The following MYOM2 variants were observed in gnomAD, a reference collection of about 807,000 sequenced individuals.
The protein encoded by MYOM2 is myomesin-2.
A neutral mutation model predicts 187.6 loss-of-function variants in MYOM2; 254 were observed. The observed-to-expected ratio is 1.35, with a 90% CI of 1.22 to 1.50. MYOM2 has a LOEUF of 1.50. Ranked by LOEUF, MYOM2 falls within the 40% of genes most tolerant of loss-of-function variation. The pLI, the probability that MYOM2 is intolerant of heterozygous loss-of-function variation, is 0.00. For synonymous variants in MYOM2, 981 were observed against 753.8 expected (o/e 1.30, Z -4.94); for missense variants, 2,796 against 1,924.0 (o/e 1.45, Z -8.48).
chr8:2,078,780 G>A lies in MYOM2; in HGVS notation c.1309G>A (p.Val437Met). The part of the protein sequence containing the change: ...NNWVQCNDAP[V>M]KICKYPVTGL... ...TTGGGTGCAGTGCAATGATGCACCG[G>A]TGAAAATCTGCAAATACCCGGTCAC... Residue 437 changes from valine (V) to methionine (M), a missense_variant, in exon 12 of 37, where the codon GTG becomes ATG. Physicochemically the swap from Val to Met is conservative, Grantham distance 21. Transcript: ENST00000262113. 1.2e-6 allele frequency: 2 copies of A among 1,614,180 alleles called. No homozygotes were observed. The highest frequency in any genetic ancestry group is 2.2e-5 in the South Asian group (2 of 91,090).
rs1172730058 is a variant in MYOM2, at chr8:2,102,710, G to A, written c.2663G>A (p.Arg888Gln). The change falls in exon 21 of 37, where the codon CGG becomes CAG. Residue 888 changes from arginine to glutamine, a missense_variant. Coordinates refer to ENST00000262113, the MANE Select transcript of MYOM2 (RefSeq NM_003970.4). The part of the protein sequence containing the change: ...QQGKTYVFRV[R>Q]AVNANGVGKP... ...GGTAAGACCTATGTCTTCAGGGTCCGGGCAGTCAATGCAAATGGCGTGGGG... is the reference window on the plus strand; with the variant it reads ...GGTAAGACCTATGTCTTCAGGGTCCAGGCAGTCAATGCAAATGGCGTGGGG... 7 of 1,613,928 alleles carry A rather than the reference G, an allele frequency of 4.3e-6. No individual in the cohort carries two copies. Among genetic ancestry groups the A allele is most frequent in the Admixed American group, 1.7e-5 (1 of 59,998 alleles).
intron 25 of MYOM2, 98 bp downstream of exon 25, chr8:2,109,629 C>G: frequency 1.3e-5 from 17 of 1,323,736 alleles, no homozygotes; most frequent in Non-Finnish European, 1.7e-5. Flanking sequence ...CTGTTTCCAT[C>G]CTTTTCTGAG....
chr8:2,128,255 T>C (rs111547785), intron 31 of MYOM2, among the ~76,000 whole-genome samples: 119 of 152,332 alleles, frequency 7.8e-4, no homozygotes, highest in African/African-American at 2.7e-3. Flanking sequence ...ACAATAACTA[T>C]GTAAAAACTA....
chr8:2,113,086 A>G (rs1305752819), intron 25 of MYOM2, among the ~76,000 whole-genome samples: 1 of 152,212 alleles, frequency 6.6e-6, no homozygotes, highest in African/African-American at 2.4e-5. Context: ...TGCAGAAAAT[A>G]TTGACAGCAG....
At chr8:2,084,627 A>G (rs967353372) in intron 13 of MYOM2, among the ~76,000 whole-genome samples, 6 of 152,332 alleles carry the variant, frequency 3.9e-5, no homozygotes, top group African/African-American at 1.2e-4. Flanking sequence ...GTCAGAAGAG[A>G]GGCATATGGA....
At chr8:2,141,397 C>G (rs1798269133) in intron 34 of MYOM2, among the ~76,000 whole-genome samples, 1 of 152,106 alleles carries the variant, frequency 6.6e-6, no homozygotes, top group African/African-American at 2.4e-5. Context: ...CATCGGAACC[C>G]CGGATGAATT....
chr8:2,053,194 G>T (rs1029008871), intron 3 of MYOM2, among the ~76,000 whole-genome samples: 1 of 152,166 alleles, frequency 6.6e-6, no homozygotes, highest in African/African-American at 2.4e-5. Flanking sequence ...GAAAGATGAA[G>T]TCATCTGTTG....
intron 6 of MYOM2, among the ~76,000 whole-genome samples, chr8:2,061,715 T>C (rs1818856732): frequency 6.6e-6 from 1 of 152,196 alleles, no homozygotes; most frequent in African/African-American, 2.4e-5. Flanking sequence ...AGTTGGGTGT[T>C]GAAAGGCAAT....
Position 2,057,736 on chromosome 8 carries a change from A to C in MYOM2, c.516A>C (p.Lys172Asn), listed in dbSNP as rs1366771859. The C allele has an allele frequency of 6.2e-7, 1 of 1,613,436 alleles. No individual in the cohort carries two copies. The highest frequency in any genetic ancestry group is 1.7e-5 in the Admixed American group (1 of 59,944). ...CCGTCTGGGAGAGGATGTCTGTGAA[A>C]CTCTGCTTCACCGTGCAAGGATTTC... The part of the protein sequence containing the change: ...SHTVWERMSV[K>N]LCFTVQGFPT... The change falls in exon 5 of 37, where the codon AAA (lysine) becomes AAC (asparagine). Residue 172 changes from lysine to asparagine, a missense_variant. Transcript: ENST00000262113.
chr8:2,130,095 A>T, intron 32 of MYOM2, among the ~76,000 whole-genome samples: 1 of 151,368 alleles, frequency 6.6e-6, no homozygotes, highest in East Asian at 2.0e-4. Flanking sequence ...GGGCGCCCAC[A>T]CCCCGCCTTT....
chr8:2,090,557 A>G (rs2116730517), intron 15 of MYOM2, among the ~76,000 whole-genome samples: 1 of 152,242 alleles, frequency 6.6e-6, no homozygotes, highest in East Asian at 1.9e-4. Flanking sequence ...TGTAAAGATT[A>G]TTTCGTCACC....
At position 2,073,500 on chromosome 8, in the gene MYOM2, G is replaced by A. The variant is rs1254425455; in HGVS notation, c.1120G>A (p.Asp374Asn). 1.3e-6 allele frequency: 2 copies of A among 1,599,180 alleles called. No individual in the cohort carries two copies. Among genetic ancestry groups the A allele is most frequent in the South Asian group, 1.1e-5 (1 of 90,406 alleles). Residue 374 changes from aspartate to asparagine, a missense_variant and splice_region_variant, in exon 10 of 37, where the codon GAT becomes AAT. By Grantham distance (23) the Asp-to-Asn change is conservative (BLOSUM62 1). Coordinates refer to ENST00000262113, the MANE Select transcript of MYOM2 (RefSeq NM_003970.4). ...SDHSAFLFVR[D>N]ADPLVTGAPG... is the part of the protein sequence containing the mutation. ...CCACAGCGCCTTCCTGTTTGTCAGA[G>A]GTGCGGGCAGCAGGGTTCTCAGGGT... is the stretch of plus-strand genomic sequence containing the variant.
At chr8:2,136,881 C>T (rs191355945) in intron 32 of MYOM2, among the ~76,000 whole-genome samples, 2 of 152,296 alleles carry the variant, frequency 1.3e-5, no homozygotes, top group East Asian at 1.9e-4. Context: ...AAGGCTAAAA[C>T]GCTGCCACTT....
chr8:2,047,360 G>A (rs76267358), intron 1 of MYOM2, among the ~76,000 whole-genome samples: 9 of 152,300 alleles, frequency 5.9e-5, no homozygotes, highest in African/African-American at 1.9e-4. Flanking sequence ...AAGAGATTGC[G>A]GAGGGGACAC....
chr8:2,055,723 CGTGTGGGGTT>C (rs1368802217), intron 3 of MYOM2, among the ~76,000 whole-genome samples: 3 of 152,142 alleles, frequency 2.0e-5, no homozygotes, highest in Non-Finnish European at 4.4e-5. Flanking sequence ...CCATCGGAGC[CGTGTGGGGTT>C]GTGGAAGCAC....
chr8:2,094,063 A>C lies in MYOM2; in HGVS notation c.2097A>C (p.Ser699=). ...AVGMSENSQE[S]DVIKVQAALT... ...GGATGAGTGAAAATTCCCAGGAATCAGACGTCATAAAAGTGCAGGCCGCAC... is the reference window on the plus strand; with the variant it reads ...GGATGAGTGAAAATTCCCAGGAATCCGACGTCATAAAAGTGCAGGCCGCAC... Residue 699 remains serine, a synonymous_variant, in exon 17 of 37, where the codon TCA becomes TCC. Transcript: ENST00000262113. 1 of 1,614,204 alleles carries C rather than the reference A, an allele frequency of 6.2e-7. No homozygotes were observed. Among genetic ancestry groups the C allele is most frequent in the Non-Finnish European group, 8.5e-7 (1 of 1,180,040 alleles).
intron 35 of MYOM2, among the ~76,000 whole-genome samples, chr8:2,142,759 A>G (rs1371740799): frequency 4.3e-5 from 4 of 94,074 alleles, no homozygotes; most frequent in South Asian, 7.6e-4. Context: ...CCCTCCCTTT[A>G]TTCTTTTTTT....
At chr8:2,108,006 G>C (rs1796950081) in intron 23 of MYOM2, among the ~76,000 whole-genome samples, 1 of 152,192 alleles carries the variant, frequency 6.6e-6, no homozygotes, top group African/African-American at 2.4e-5. Flanking sequence ...CCTACCAGAA[G>C]GTTGAACTGG....
intron 21 of MYOM2, among the ~76,000 whole-genome samples, chr8:2,105,184 G>T (rs1163871991): frequency 6.6e-6 from 1 of 152,142 alleles, no homozygotes; most frequent in Non-Finnish European, 1.5e-5. Context: ...GCCCCAGAGT[G>T]TGACCTGAGT....
Sources: gnomAD v4.1 joint callset for allele counts (sites outside exome capture counted in the v4.1 genomes callset) on GRCh38, gnomAD v4.1.1 for gene constraint, MANE v1.5 for transcripts, NCBI Gene and HGNC (gene_info 2026-07-23, HGNC 2026-07-21) for gene names.